The following GRM8 variants were observed in gnomAD, a reference collection of about 807,000 sequenced individuals.
The protein encoded by GRM8 is glutamate metabotropic receptor 8.
A neutral mutation model predicts 87.2 loss-of-function variants in GRM8; 47 were observed. The ratio of observed to expected loss-of-function variants is 0.54; its 90% confidence interval spans 0.43 to 0.69. The LOEUF is 0.69. GRM8 is among the 30% of genes least tolerant of loss of function. The probability of loss-of-function intolerance (pLI) is 0.00; values close to 1 mark genes in which losing one functional copy is unlikely to be tolerated. For missense variants in GRM8, 1,019 were observed against 1,139.2 expected, an observed-to-expected ratio of 0.89 and a Z score of 1.52; for synonymous variants, 396 against 404.5, an observed-to-expected ratio of 0.98 and a Z score of 0.25.
chr7:126,868,273 C>T (rs1027790629), intron 6 of GRM8, among the ~76,000 whole-genome samples: 1 of 152,240 alleles, frequency 6.6e-6, no homozygotes, highest in Non-Finnish European at 1.5e-5. Flanking sequence ...CCAACAGGGG[C>T]ATCAGGAGTT....
At chr7:126,799,879 G>A (rs1221313601) in intron 6 of GRM8, among the ~76,000 whole-genome samples, 1 of 152,124 alleles carries the variant, frequency 6.6e-6, no homozygotes, top group Non-Finnish European at 1.5e-5. Context: ...GAACCTGGAT[G>A]AGACAGGCCT....
At position 126,920,157 on chromosome 7, in the gene GRM8, G is replaced by A. The variant is rs527986559; in HGVS notation, c.728-15474C>T. Reference sequence around the variant, plus strand: ...CTGTCTCTCTCTGTCTCCATTCACCGTGTGAGAACACAGTGAGAAGGCCAT... The same window carrying A: ...CTGTCTCTCTCTGTCTCCATTCACCATGTGAGAACACAGTGAGAAGGCCAT... On this transcript the variant is annotated intron_variant, in intron 3 of 10. Transcript: ENST00000339582. Among the ~76,000 whole-genome samples the A allele has an allele frequency of 2.0e-4, 30 of 152,204 alleles. No homozygotes were observed. The East Asian group carries it at 2.1e-3, about 11-fold the overall frequency.
chr7:126,628,594 T>C (rs1800928356), intron 7 of GRM8, among the ~76,000 whole-genome samples: 1 of 152,158 alleles, frequency 6.6e-6, no homozygotes, highest in Non-Finnish European at 1.5e-5. Context: ...GTATACAAAA[T>C]ACATTTTATA....
At chr7:126,516,189 A>G (rs1388186001) in intron 9 of GRM8, among the ~76,000 whole-genome samples, 1 of 152,052 alleles carries the variant, frequency 6.6e-6, no homozygotes, top group Non-Finnish European at 1.5e-5. Context: ...CAGGACATCC[A>G]GTTACATTTT....
chr7:126,999,273 A>G, intron 3 of GRM8, among the ~76,000 whole-genome samples: 1 of 151,944 alleles, frequency 6.6e-6, no homozygotes, highest in East Asian at 1.9e-4. Flanking sequence ...CTAAGACCTC[A>G]AACCATGAAA....
At chr7:127,021,461 T>C (rs2132219888) in intron 3 of GRM8, among the ~76,000 whole-genome samples, 1 of 152,178 alleles carries the variant, frequency 6.6e-6, no homozygotes, top group Middle Eastern at 3.4e-3. Flanking sequence ...GTGATGATAC[T>C]AATTTCCAGC....
At chr7:126,989,926 G>A (rs1028392109) in intron 3 of GRM8, among the ~76,000 whole-genome samples, 23 of 152,148 alleles carry the variant, frequency 1.5e-4, no homozygotes, top group Middle Eastern at 6.8e-3. Context: ...ACTCCAGCCT[G>A]GGTGACAGAG....
rs574800240 is a variant in GRM8 at position 126,904,020 on chromosome 7, T to C, written c.970A>G (p.Ile324Val). Residue 324 changes from isoleucine (I) to valine (V), a missense_variant, in exon 5 of 11, where the codon ATT (isoleucine) becomes GTT (valine). By Grantham distance (29) the Ile-to-Val change is conservative (BLOSUM62 3). Transcript: ENST00000339582. The stretch of plus-strand genomic sequence containing the variant: ...AAAATTGTCACAGCCCCTTCTGCAA[T>C]CTCCTCTTGCTGATAGACAGGTGCT... ...KIAPVYQQEE[I>V]AEGAVTILPK... 607 of 1,580,612 alleles carry C rather than the reference T, an allele frequency of 3.8e-4. 3 individuals are homozygous for C. Among genetic ancestry groups the C allele is most frequent in the Non-Finnish European group, 2.8e-5 (32 of 1,150,460 alleles).
At chr7:126,849,233 G>A (rs1037028190) in intron 6 of GRM8, among the ~76,000 whole-genome samples, 1 of 152,110 alleles carries the variant, frequency 6.6e-6, no homozygotes, top group African/African-American at 2.4e-5. Flanking sequence ...ATAAATACTT[G>A]TCCCATTATA....
At chr7:126,570,899 T>A (rs953788128) in intron 8 of GRM8, among the ~76,000 whole-genome samples, 2 of 152,246 alleles carry the variant, frequency 1.3e-5, no homozygotes, top group Admixed American at 6.5e-5. Flanking sequence ...ATATTCAGAA[T>A]GTCAGCAGAA....
chr7:127,032,252 T>C (rs1817449404), intron 3 of GRM8, among the ~76,000 whole-genome samples: 1 of 152,182 alleles, frequency 6.6e-6, no homozygotes, highest in African/African-American at 2.4e-5. Context: ...AGGAACTTAA[T>C]CCTCACAGAC....
At chr7:126,726,501 G>A (rs1812995852) in intron 7 of GRM8, among the ~76,000 whole-genome samples, 1 of 152,102 alleles carries the variant, frequency 6.6e-6, no homozygotes, top group Non-Finnish European at 1.5e-5. Context: ...CCCAGGCAAG[G>A]TGGTCCCAAT....
At chr7:127,153,760 A>AT (rs937411315) in intron 2 of GRM8, among the ~76,000 whole-genome samples, 2 of 152,142 alleles carry the variant, frequency 1.3e-5, no homozygotes, top group African/African-American at 4.8e-5. Flanking sequence ...AGATGCTCAT[A>AT]TTTGACTCAA....
At chr7:127,071,034 C>G (rs1821633301) in intron 3 of GRM8, among the ~76,000 whole-genome samples, 1 of 152,082 alleles carries the variant, frequency 6.6e-6, no homozygotes, top group African/African-American at 2.4e-5. Context: ...TCTAGCTAGT[C>G]CAAATATCTG....
chr7:126,709,731 T>G (rs1343482330), intron 7 of GRM8, among the ~76,000 whole-genome samples: 1 of 152,184 alleles, frequency 6.6e-6, no homozygotes, highest in Middle Eastern at 3.2e-3. Context: ...TTTTCCATTG[T>G]AGCATTATTT....
At chr7:126,476,577 G>T (rs1398726601) in intron 9 of GRM8, among the ~76,000 whole-genome samples, 2 of 152,030 alleles carry the variant, frequency 1.3e-5, no homozygotes, top group Non-Finnish European at 2.9e-5. Flanking sequence ...TTTTAAAATG[G>T]GCAAAGGACC....
At chr7:127,232,231 G>C (rs112367184) in intron 2 of GRM8, among the ~76,000 whole-genome samples, 1 of 151,718 alleles carries the variant, frequency 6.6e-6, no homozygotes, top group Non-Finnish European at 1.5e-5. Flanking sequence ...GAGAGAGAGA[G>C]AGAGAGAGAC....
intron 3 of GRM8, among the ~76,000 whole-genome samples, chr7:126,922,125 T>C (rs1804595600): frequency 6.6e-6 from 1 of 152,146 alleles, no homozygotes; most frequent in Non-Finnish European, 1.5e-5. Context: ...GATGAATTGA[T>C]AAGTTATATA....
intron 7 of GRM8, among the ~76,000 whole-genome samples, chr7:126,656,185 G>A (rs1222067060): frequency 6.6e-6 from 1 of 152,142 alleles, no homozygotes; most frequent in Non-Finnish European, 1.5e-5. Context: ...CTGGGGATTT[G>A]GAGATTGGGG....
Sources: gnomAD v4.1 joint callset for allele counts (sites outside exome capture counted in the v4.1 genomes callset) on GRCh38, gnomAD v4.1.1 for gene constraint, MANE v1.5 for transcripts, NCBI Gene and HGNC (gene_info 2026-07-23, HGNC 2026-07-21) for gene names.